The following PSG4 variants were observed in gnomAD, a reference collection of about 807,000 sequenced individuals.
PSG4 encodes the protein pregnancy specific beta-1-glycoprotein 4.
In PSG4, 61 loss-of-function variants were observed where a neutral mutation model predicts 44.3. That is an observed-to-expected ratio of 1.38 (90% confidence interval 1.12 to 1.70). The LOEUF is 1.70. Ranked by LOEUF, PSG4 falls within the 40% of genes most tolerant of loss-of-function variation. The pLI is 0.00. For synonymous variants in PSG4, 248 were observed against 191.3 expected, an observed-to-expected ratio of 1.30 and a Z score of -2.45; for missense variants, 677 against 511.7, an observed-to-expected ratio of 1.32 and a Z score of -3.12.
At position 43,203,701 on chromosome 19, in the gene PSG4, G is replaced by A. The variant is rs926743418; in HGVS notation, c.430+185C>T. 4.5e-5 allele frequency: 52 copies of A among 1,154,040 alleles called. 6 individuals carry two copies. Among genetic ancestry groups the A allele is most frequent in the East Asian group, 3.2e-4 (9 of 28,230 alleles). 71.5% of individuals were successfully genotyped at this position (1,154,040 alleles called of 1,614,324 possible). A position where few individuals can be genotyped will look rare whatever the true frequency, so the allele number is the denominator to read the frequency against. On this transcript the variant is annotated intron_variant, in intron 2 of 5. Coordinates refer to ENST00000405312, the MANE Select transcript of PSG4 (RefSeq NM_002780.5). ...GCGAGTGTCTGCAGGGTCTGAATGC[G>A]GGAAAGGAATTCTGATCTGTTGAAA... is the stretch of plus-strand genomic sequence containing the variant.
chr19:43,201,367 G>T lies in PSG4; in HGVS notation c.430+2519C>A, dbSNP rs1599777773. On this transcript the variant is annotated intron_variant, in intron 2 of 5. Coordinates refer to ENST00000405312, the MANE Select transcript of PSG4 (RefSeq NM_002780.5). ...GGGAACCGAATTCTGCTAAAATGTA[G>T]GCACAGTTTATGTAATCCCTGACTG... is the stretch of plus-strand genomic sequence containing the variant. Among the ~76,000 whole-genome samples the T allele has an allele frequency of 1.4e-5, 2 of 145,752 alleles. 1 individual carries two copies.
rs1967363238 is a variant in PSG4 at position 43,198,584 on chromosome 19, C to T, written c.431-309G>A. On this transcript the variant is annotated intron_variant, in intron 2 of 5. Transcript: ENST00000405312. ...CTCTGAGTTCCTCCGTCTCCAACTG[C>T]CTGCCTGACCCACCTTGTGGTCCTC... 5 of 386,418 alleles carry T rather than the reference C, an allele frequency of 1.3e-5. 1 individual carries two copies. Among genetic ancestry groups the T allele is most frequent in the Non-Finnish European group, 2.2e-5 (5 of 232,382 alleles). The allele number at this position is 386,418 out of a possible 1,614,324, so 23.9% of individuals were successfully genotyped here. A position where few individuals can be genotyped will look rare whatever the true frequency, so the allele number is the denominator to read the frequency against.
chr19:43,202,861 G>A (rs1297173206), intron 2 of PSG4, among the ~76,000 whole-genome samples: 2 of 144,514 alleles, frequency 1.4e-5, no homozygotes, highest in Non-Finnish European at 3.0e-5. Context: ...GGGGTGCTTG[G>A]AACCCAGTAA....
intron 2 of PSG4, among the ~76,000 whole-genome samples, chr19:43,202,779 C>G (rs1433414633): frequency 1.4e-5 from 2 of 144,672 alleles, no homozygotes; most frequent in African/African-American, 5.3e-5. Flanking sequence ...GACTAATCAG[C>G]TGACCATTTG....
intron 2 of PSG4, chr19:43,203,495 C>T: frequency 5.1e-6 from 1 of 196,304 alleles, no homozygotes; most frequent in Non-Finnish European, 9.9e-6. Flanking sequence ...GGACAGAGGT[C>T]TGGGGTTGAG....
intron 1 of PSG4, 142 bp downstream of exon 1, chr19:43,205,331 A>ACTCCTGAT (rs1294904598): frequency 8.5e-6 from 9 of 1,054,812 alleles, no homozygotes; most frequent in Non-Finnish European, 1.2e-5. Flanking sequence ...CTGATCTTGA[A>ACTCCTGAT]CTCCTGATCT....
chr19:43,194,583 G>C lies in PSG4; in HGVS notation c.1000C>G (p.Leu334Val). 6.2e-7 allele frequency: 1 copy of C among 1,610,450 alleles called. No individual in the cohort carries two copies. The highest frequency in any genetic ancestry group is 2.2e-5 in the East Asian group (1 of 44,870). Residue 334 changes from leucine to valine, a missense_variant, in exon 5 of 6, where the codon CTC (leucine) becomes GTC (valine). Transcript: ENST00000405312. ...GTGAATGAAGGGTAAATGCTGGGGA[G>C]GTCTGGACCATCTGGCGCAAAGAGA... ...VTLNVLYGPD[L>V]PSIYPSFTYY... is the part of the protein sequence containing the mutation.
rs191921223 is a variant in PSG4, at chr19:43,194,912, T to C, written c.988+83A>G. The C allele has an allele frequency of 5.7e-5, 90 of 1,575,944 alleles. 2 individuals are homozygous for C. Among genetic ancestry groups the C allele is most frequent in the Middle Eastern group, 4.2e-4 (2 of 4,706 alleles). On this transcript the variant is annotated intron_variant, in intron 4 of 5. Coordinates refer to ENST00000405312, the MANE Select transcript of PSG4 (RefSeq NM_002780.5). ...GAAGTAAAGGTGTCTATACTTGGAC[T>C]GGAGAGAGACTGAGAGACCTGGCCT...
At chr19:43,195,326 A>G (rs1967195145) in intron 3 of PSG4, 53 bp from the exon 4 acceptor site, 12 of 1,592,754 alleles carry the variant, frequency 7.5e-6, no homozygotes, top group Non-Finnish European at 1.0e-5. Flanking sequence ...TGATTCCTCC[A>G]CAGGCATACT....
rs1967072901 is a variant in PSG4 at position 43,192,710 on chromosome 19, T to G, written c.*662A>C. On this transcript the variant is annotated 3_prime_UTR_variant, in exon 6 of 6. Transcript: ENST00000405312. ...ATTTTAAGAGAACAGTATTAGCAAATGTGGTACATGTTTTATTCTGCTAGA... is the reference window on the plus strand; with the variant it reads ...ATTTTAAGAGAACAGTATTAGCAAAGGTGGTACATGTTTTATTCTGCTAGA... 6.3e-6 allele frequency: 1 copy of G among 158,894 alleles called. No individual in the cohort carries two copies. The highest frequency in any genetic ancestry group is 2.4e-5 in the African/African-American group (1 of 41,292). The allele number at this position is 158,894 out of a possible 1,614,324, so 9.8% of individuals were successfully genotyped here. A position where few individuals can be genotyped will look rare whatever the true frequency, so the allele number is the denominator to read the frequency against.
chr19:43,195,835 G>A (rs1967222227), intron 3 of PSG4, among the ~76,000 whole-genome samples: 1 of 150,044 alleles, frequency 6.7e-6, no homozygotes, highest in African/African-American at 2.5e-5. Flanking sequence ...GGTCAGTTCA[G>A]TCATCAGCCA....
At chr19:43,202,417 G>A (rs1459191542) in intron 2 of PSG4, among the ~76,000 whole-genome samples, 1 of 144,720 alleles carries the variant, frequency 6.9e-6, no homozygotes, top group African/African-American at 2.7e-5. Flanking sequence ...AAACGTGGGT[G>A]TCAGCCTCTG....
Position 43,195,260 on chromosome 19 carries a change from C to T in PSG4, c.723G>A (p.Lys241=). The T allele has an allele frequency of 6.2e-7, 1 of 1,610,386 alleles. No individual in the cohort carries two copies. The highest frequency in any genetic ancestry group is 8.5e-7 in the Non-Finnish European group (1 of 1,178,874). The stretch of plus-strand genomic sequence containing the variant: ...TTAAGTTGTTGATTGTGATGTAGGG[C>T]TTGGACAGCTTTGCTGTGTGGATAA... ...VTLNLLPKLS[K]PYITINNLNP... Residue 241 remains lysine, a synonymous_variant, in exon 4 of 6, where the codon AAG becomes AAA. Coordinates refer to ENST00000405312, the MANE Select transcript of PSG4 (RefSeq NM_002780.5).
intron 2 of PSG4, among the ~76,000 whole-genome samples, chr19:43,199,227 C>G (rs1322038014): frequency 6.9e-6 from 1 of 145,518 alleles, no homozygotes; most frequent in Admixed American, 6.8e-5. Flanking sequence ...ACATTCTACT[C>G]TCTGATTCTG....
intron 2 of PSG4, among the ~76,000 whole-genome samples, chr19:43,202,300 G>A (rs1195109044): frequency 7.0e-6 from 1 of 143,728 alleles, no homozygotes; most frequent in South Asian, 2.2e-4. Flanking sequence ...AGGTGCCCCA[G>A]TTCCACAGTC....
chr19:43,193,329 G>C lies in PSG4; in HGVS notation c.*43C>G, dbSNP rs375091217. 2 of 775,268 alleles carry C rather than the reference G, an allele frequency of 2.6e-6. No individual in the cohort carries two copies. The highest frequency in any genetic ancestry group is 3.4e-5 in the African/African-American group (2 of 58,868). The allele number at this position is 775,268 out of a possible 1,614,324, so 48.0% of individuals were successfully genotyped here. A position where few individuals can be genotyped will look rare whatever the true frequency, so the allele number is the denominator to read the frequency against. On this transcript the variant is annotated 3_prime_UTR_variant, in exon 6 of 6. Transcript: ENST00000405312. ...TGGAACAGAGTGGGTCTTGCTCTTC[G>C]TGATTCCATGGGAGAAAATGGAATT...
chr19:43,193,381 T>C lies in PSG4; in HGVS notation c.1251A>G (p.Ile417Met). The change falls in exon 6 of 6, where the codon ATA becomes ATG. Residue 417 changes from isoleucine (I) to methionine (M), a missense_variant. Coordinates refer to ENST00000405312, the MANE Select transcript of PSG4 (RefSeq NM_002780.5). ...GAGGAACTAGTAGAATTCAGGGTAA[T>C]ATCCAGTCTACAGGTGGATAATAAA... ...KSITVKVSDW[I>M]LP 1.3e-6 allele frequency: 1 copy of C among 772,830 alleles called. No homozygotes were observed. Among genetic ancestry groups the C allele is most frequent in the Non-Finnish European group, 2.4e-6 (1 of 417,604 alleles). The allele number at this position is 772,830 out of a possible 1,614,324, so 47.9% of individuals were successfully genotyped here. A position where few individuals can be genotyped will look rare whatever the true frequency, so the allele number is the denominator to read the frequency against.
At chr19:43,193,445 G>A (rs1303189955) in intron 5 of PSG4, 57 bp from the exon 6 acceptor site, 21 of 765,340 alleles carry the variant, frequency 2.7e-5, no homozygotes, top group East Asian at 2.7e-4. Flanking sequence ...TCTCATAACC[G>A]GTGTACTACA....
In PSG4 at chr19:43,193,388, T is replaced by C; in HGVS notation, c.1244A>G (p.Asp415Gly). Residue 415 changes from aspartate to glycine, a missense_variant and splice_region_variant, in exon 6 of 6, where the codon GAC becomes GGC. Asp to Gly is a moderately conservative substitution (Grantham distance 94). Transcript: ENST00000405312. The part of the protein sequence containing the change: ...SSKSITVKVS[D>G]WILP ...TAGTAGAATTCAGGGTAATATCCAG[T>C]CTACAGGTGGATAATAAAAACACAG... The C allele has an allele frequency of 1.3e-6, 1 of 771,668 alleles. No individual in the cohort carries two copies. Among genetic ancestry groups the C allele is most frequent in the South Asian group, 1.3e-5 (1 of 74,580 alleles). 47.8% of individuals were successfully genotyped at this position (771,668 alleles called of 1,614,324 possible).
Sources: allele counts gnomAD v4.1 joint callset (sites outside exome capture counted in the v4.1 genomes callset), GRCh38; gene constraint gnomAD v4.1.1; transcripts MANE v1.5; gene names NCBI Gene and HGNC (gene_info 2026-07-23, HGNC 2026-07-21).